PRRX1: variants seen among roughly 807,000 people sequenced by gnomAD.
The protein encoded by PRRX1 is paired related homeobox 1.
A neutral mutation model predicts 24.0 loss-of-function variants in PRRX1; 8 were observed. That is an observed-to-expected ratio of 0.33 (90% CI 0.20 to 0.60). The LOEUF (loss-of-function observed/expected upper bound fraction) is 0.60. PRRX1 is among the 20% of genes least tolerant of loss of function. The probability of loss-of-function intolerance (pLI) is 0.82; values close to 1 mark genes in which losing one functional copy is unlikely to be tolerated. For synonymous variants in PRRX1, 160 were observed against 131.7 expected (o/e 1.22, Z -1.47); for missense variants, 281 against 322.4 (o/e 0.87, Z 0.98).
chr1:170,702,114 G>A (rs574935961), intron 1 of PRRX1, among the ~76,000 whole-genome samples: 1 of 152,164 alleles, frequency 6.6e-6, no homozygotes, highest in Non-Finnish European at 1.5e-5. Context: ...TCCCGCGCAT[G>A]CGCAGTTCAC....
At chr1:170,712,494 T>C (rs747664565) in intron 1 of PRRX1, among the ~76,000 whole-genome samples, 1 of 152,184 alleles carries the variant, frequency 6.6e-6, no homozygotes, top group Non-Finnish European at 1.5e-5. Context: ...GAAATCTTAC[T>C]GAACAGCTAA....
chr1:170,709,896 T>C (rs73036615), intron 1 of PRRX1, among the ~76,000 whole-genome samples: 1,969 of 152,308 alleles, frequency 0.013, 50 homozygotes, highest in African/African-American at 0.045. Flanking sequence ...AGGTCAAGGA[T>C]GGCAGAGAAA....
intron 3 of PRRX1, chr1:170,730,390 G>A: frequency 6.6e-7 from 1 of 1,508,060 alleles, no homozygotes; most frequent in Admixed American, 1.7e-5. Context: ...CTTGGGGTAG[G>A]GTTTAAGTGG....
intron 1 of PRRX1, among the ~76,000 whole-genome samples, chr1:170,666,008 G>A (rs1435388146): frequency 6.6e-6 from 1 of 152,270 alleles, no homozygotes; most frequent in African/African-American, 2.4e-5. Context: ...GGGTGCTTGA[G>A]AGGCTGCACC....
chr1:170,724,110 C>T (rs938469766), intron 2 of PRRX1, among the ~76,000 whole-genome samples: 20 of 152,112 alleles, frequency 1.3e-4, no homozygotes, highest in Non-Finnish European at 1.3e-4. Flanking sequence ...AAAACAATAT[C>T]GTTTGCCCAC....
intron 1 of PRRX1, among the ~76,000 whole-genome samples, chr1:170,695,413 T>C (rs895501992): frequency 2.6e-5 from 4 of 152,180 alleles, no homozygotes; most frequent in African/African-American, 9.7e-5. Context: ...TGTTTTTCTC[T>C]TTTTACCAAA....
chr1:170,732,167 A>G (rs945776065), intron 3 of PRRX1, among the ~76,000 whole-genome samples: 4 of 152,196 alleles, frequency 2.6e-5, no homozygotes, highest in African/African-American at 9.6e-5. Flanking sequence ...TTAATCCTGT[A>G]TAGGAAGGAC....
intron 1 of PRRX1, among the ~76,000 whole-genome samples, chr1:170,680,948 T>C (rs1653484847): frequency 6.6e-6 from 1 of 152,198 alleles, no homozygotes; most frequent in Non-Finnish European, 1.5e-5. Flanking sequence ...GTAAAATGTA[T>C]CAATGAAACA....
At chr1:170,666,473 C>T (rs369218023) in intron 1 of PRRX1, among the ~76,000 whole-genome samples, 86 of 151,020 alleles carry the variant, frequency 5.7e-4, no homozygotes, top group African/African-American at 2.0e-3. Context: ...TAGACCCCAG[C>T]TTCACCAATT....
chr1:170,713,039 T>C (rs138234055), intron 1 of PRRX1, among the ~76,000 whole-genome samples: 22 of 152,340 alleles, frequency 1.4e-4, no homozygotes, highest in African/African-American at 5.3e-4. Flanking sequence ...TGTTCAATAA[T>C]GCATCTCTTA....
chr1:170,735,769 A>G (rs1667964097), intron 3 of PRRX1, among the ~76,000 whole-genome samples: 6 of 152,272 alleles, frequency 3.9e-5, no homozygotes, highest in Admixed American at 3.3e-4. Context: ...CTCACCCCAG[A>G]AATAAATCAT....
At chr1:170,698,558 T>C (rs1170913409) in intron 1 of PRRX1, among the ~76,000 whole-genome samples, 2 of 151,940 alleles carry the variant, frequency 1.3e-5, no homozygotes, top group African/African-American at 4.8e-5. Flanking sequence ...AAATAGACTA[T>C]TTTTTTTCCT....
rs185483712 is a variant in PRRX1, at chr1:170,720,065, C to T, written c.417+164C>T. On this transcript the variant is annotated intron_variant, in intron 2 of 3. Coordinates refer to ENST00000239461, the MANE Select transcript of PRRX1 (RefSeq NM_022716.4). ...GGCACATTGCTTGAGCTCAGGAGTT[C>T]GAAACCAGCCTGGGCAACATAGTGA... Among the ~76,000 whole-genome samples, 7 of 152,198 alleles carry T rather than the reference C, an allele frequency of 4.6e-5. No individual in the cohort carries two copies. In the South Asian group the frequency reaches 6.2e-4, roughly 14 times the overall value.
intron 1 of PRRX1, among the ~76,000 whole-genome samples, chr1:170,666,498 G>A (rs978915458): frequency 3.3e-5 from 5 of 151,164 alleles, no homozygotes; most frequent in African/African-American, 4.9e-5. Context: ...ACGTCCAGTC[G>A]TTTCTGTTTT....
At chr1:170,677,412 T>A (rs530996145) in intron 1 of PRRX1, among the ~76,000 whole-genome samples, 1 of 152,364 alleles carries the variant, frequency 6.6e-6, no homozygotes, top group Admixed American at 6.5e-5. Flanking sequence ...TTTATTTGAG[T>A]GCCTTCAGTG....
chr1:170,676,432 C>T lies in PRRX1; in HGVS notation c.241+11973C>T, dbSNP rs1040048220. 3.3e-5 allele frequency among the ~76,000 whole-genome samples: 5 copies of T among 151,650 alleles called. No individual in the cohort carries two copies. The South Asian group carries it at 6.3e-4, about 19-fold the overall frequency. On this transcript the variant is annotated intron_variant, in intron 1 of 3. Coordinates refer to ENST00000239461, the MANE Select transcript of PRRX1 (RefSeq NM_022716.4). ...TTTTGATTTGGAGAATCAGAGCTAC[C>T]TTGAAGGCCAGGAAATCCAATCTAT...
At chr1:170,711,821 C>G (rs1318158622) in intron 1 of PRRX1, among the ~76,000 whole-genome samples, 1 of 152,286 alleles carries the variant, frequency 6.6e-6, no homozygotes, top group Non-Finnish European at 1.5e-5. Flanking sequence ...TCCAAGGGGA[C>G]CACACATCTG....
At chr1:170,699,480 G>T (rs559263792) in intron 1 of PRRX1, among the ~76,000 whole-genome samples, 2 of 152,004 alleles carry the variant, frequency 1.3e-5, no homozygotes, top group Non-Finnish European at 2.9e-5. Flanking sequence ...CAAGAAGATG[G>T]CTCTCTAGTC....
At chr1:170,690,917 T>A (rs896688772) in intron 1 of PRRX1, among the ~76,000 whole-genome samples, 11 of 152,118 alleles carry the variant, frequency 7.2e-5, no homozygotes, top group Non-Finnish European at 1.0e-4. Flanking sequence ...AGGAAATGCA[T>A]GAACTGGTCA....
Sources: gnomAD v4.1 joint callset for allele counts (sites outside exome capture counted in the v4.1 genomes callset) on GRCh38, gnomAD v4.1.1 for gene constraint, MANE v1.5 for transcripts, NCBI Gene and HGNC (gene_info 2026-07-23, HGNC 2026-07-21) for gene names.